SAE1: variants seen among roughly 807,000 people sequenced by gnomAD.
SAE1 encodes SUMO1 activating enzyme subunit 1, also known as SUMO-activating enzyme subunit 1.
In SAE1, 11 loss-of-function variants were observed where a neutral mutation model predicts 40.6. The ratio of observed to expected loss-of-function variants is 0.27; its 90% CI spans 0.17 to 0.45. The LOEUF is 0.45. Ranked by LOEUF, SAE1 falls within the 20% of genes least tolerant of loss-of-function variation. The probability of loss-of-function intolerance (pLI) is 1.00; values close to 1 mark genes in which losing one functional copy is unlikely to be tolerated. For synonymous variants in SAE1, 155 were observed against 154.3 expected, an observed-to-expected ratio of 1.00 and a Z score of -0.03; for missense variants, 373 against 427.3, an observed-to-expected ratio of 0.87 and a Z score of 1.12.
intron 4 of SAE1, 73 bp from the exon 5 acceptor site, chr19:47,155,041 G>A: frequency 1.1e-6 from 1 of 942,804 alleles, no homozygotes; most frequent in Non-Finnish European, 1.7e-6. Context: ...CTGTGACCTG[G>A]AGAGGCTTTT....
intron 5 of SAE1, among the ~76,000 whole-genome samples, chr19:47,160,291 G>A (rs1283499557): frequency 5.2e-5 from 7 of 134,550 alleles, no homozygotes; most frequent in African/African-American, 1.7e-4. Flanking sequence ...GTGCGATCTC[G>A]GCTCACTGCA....
Position 47,131,027 on chromosome 19 carries a change from C to G in SAE1, c.97C>G (p.Arg33Gly). The G allele has an allele frequency of 6.5e-7, 1 of 1,535,420 alleles. No individual in the cohort carries two copies. The highest frequency in any genetic ancestry group is 8.8e-7 in the Non-Finnish European group (1 of 1,140,136). Residue 33 changes from arginine to glycine, a missense_variant and splice_region_variant, in exon 1 of 9, where the codon CGG (arginine) becomes GGG (glycine). Coordinates refer to ENST00000270225, the MANE Select transcript of SAE1 (RefSeq NM_005500.3). The stretch of plus-strand genomic sequence containing the variant: ...CCTGTGGGGACTGGAGGCCCAGAAA[C>G]GGTCAGGGCCGGCGCGGCTTGAGGC... ...IRLWGLEAQKRLRASRVLLVG... is the reference protein window; with the variant it reads ...IRLWGLEAQKGLRASRVLLVG...
chr19:47,150,574 G>A (rs1167965474), intron 3 of SAE1, among the ~76,000 whole-genome samples, 199 bp downstream of exon 3: 1 of 152,192 alleles, frequency 6.6e-6, no homozygotes, highest in Admixed American at 6.6e-5. Flanking sequence ...CCAGTCTGTT[G>A]CATCTGCTGT....
At chr19:47,171,438 G>A (rs1305510307) in intron 6 of SAE1, among the ~76,000 whole-genome samples, 2 of 151,326 alleles carry the variant, frequency 1.3e-5, no homozygotes, top group East Asian at 1.9e-4. Context: ...AAATACAGGC[G>A]GGCACCACCA....
At chr19:47,170,641 G>C (rs1430125875) in intron 6 of SAE1, among the ~76,000 whole-genome samples, 2 of 151,800 alleles carry the variant, frequency 1.3e-5, no homozygotes, top group East Asian at 3.9e-4. Flanking sequence ...TGAGTAGCTG[G>C]TACTACAAGC....
chr19:47,182,634 G>A (rs1227473424), intron 6 of SAE1, among the ~76,000 whole-genome samples: 2 of 152,028 alleles, frequency 1.3e-5, no homozygotes, highest in African/African-American at 2.4e-5. Flanking sequence ...CCACAAATGC[G>A]GCTCAGTGCC....
chr19:47,181,863 G>A (rs140730571), intron 6 of SAE1, among the ~76,000 whole-genome samples: 35 of 146,250 alleles, frequency 2.4e-4, no homozygotes, highest in African/African-American at 7.4e-4. Flanking sequence ...TAGTGCAGTG[G>A]TATGATCACA....
intron 5 of SAE1, among the ~76,000 whole-genome samples, chr19:47,158,051 C>G (rs2058334630): frequency 7.1e-6 from 1 of 140,414 alleles, no homozygotes; most frequent in Non-Finnish European, 1.5e-5. Context: ...CCTAATTGTA[C>G]AGAATAACTA....
chr19:47,195,511 TTTTC>T (rs1252147834), intron 6 of SAE1, among the ~76,000 whole-genome samples: 4 of 152,080 alleles, frequency 2.6e-5, no homozygotes, highest in South Asian at 4.1e-4. Flanking sequence ...ATTGAGATAG[TTTTC>T]ATAGTAAAGG....
At chr19:47,173,548 A>C (rs558135863) in intron 6 of SAE1, among the ~76,000 whole-genome samples, 1 of 152,256 alleles carries the variant, frequency 6.6e-6, no homozygotes, top group African/African-American at 2.4e-5. Flanking sequence ...GGATTTCCTC[A>C]CTTCAGCACA....
At chr19:47,154,479 G>GTTTTT (rs1568590968) in intron 4 of SAE1, among the ~76,000 whole-genome samples, 2 of 91,704 alleles carry the variant, frequency 2.2e-5, no homozygotes, top group African/African-American at 7.8e-5. Flanking sequence ...ATTAAGTTTG[G>GTTTTT]CTTTTTTTTT....
intron 6 of SAE1, among the ~76,000 whole-genome samples, chr19:47,174,007 A>G (rs1265887356): frequency 6.6e-6 from 1 of 151,930 alleles, no homozygotes; most frequent in Non-Finnish European, 1.5e-5. Context: ...GATGGTCTCG[A>G]ACTCCTGACC....
Position 47,130,914 on chromosome 19 carries a change from CA to C in SAE1, c.-16del. On this transcript the variant is annotated 5_prime_UTR_variant, in exon 1 of 9. Transcript: ENST00000270225. ...GGCTTGAGCGGGACCGGAGCTGAGG[CA>C]GGAAGAGCCGGCGCCATGGTGGAGA... The C allele has an allele frequency of 6.5e-7, 1 of 1,549,050 alleles. No individual in the cohort carries two copies. The highest frequency in any genetic ancestry group is 8.7e-7 in the Non-Finnish European group (1 of 1,146,476).
intron 1 of SAE1, among the ~76,000 whole-genome samples, chr19:47,141,367 C>T (rs921118059): frequency 6.6e-6 from 1 of 152,010 alleles, no homozygotes; most frequent in Non-Finnish European, 1.5e-5. Flanking sequence ...GTCTCGAACT[C>T]CTGACCTCAG....
intron 6 of SAE1, among the ~76,000 whole-genome samples, chr19:47,188,814 G>C (rs527784690): frequency 1.3e-5 from 2 of 152,270 alleles, no homozygotes; most frequent in African/African-American, 2.4e-5. Flanking sequence ...CCAGGGACAG[G>C]CTTTGCAGAG....
intron 6 of SAE1, among the ~76,000 whole-genome samples, chr19:47,174,620 T>C (rs1460634034): frequency 7.1e-6 from 1 of 140,312 alleles, no homozygotes; most frequent in African/African-American, 2.7e-5. Context: ...TCTCCCAGCC[T>C]GGAGTGCAGT....
chr19:47,169,537 G>T (rs1294008797), intron 5 of SAE1, among the ~76,000 whole-genome samples: 1 of 152,124 alleles, frequency 6.6e-6, no homozygotes, highest in South Asian at 2.1e-4. Context: ...GACCCACCGC[G>T]CCTGGCCCAG....
intron 2 of SAE1, among the ~76,000 whole-genome samples, chr19:47,146,183 A>G (rs2058254766): frequency 6.6e-6 from 1 of 152,056 alleles, no homozygotes; most frequent in South Asian, 2.1e-4. Flanking sequence ...GTGGGTAGGG[A>G]CAGGTTGCTG....
intron 6 of SAE1, among the ~76,000 whole-genome samples, chr19:47,194,783 T>C (rs533812860): frequency 1.4e-5 from 2 of 144,610 alleles, no homozygotes; most frequent in South Asian, 2.2e-4. Context: ...GGAGTTACGC[T>C]CTATCGCACA....
Sources: gnomAD v4.1 joint callset for allele counts (sites outside exome capture counted in the v4.1 genomes callset) on GRCh38, gnomAD v4.1.1 for gene constraint, MANE v1.5 for transcripts, NCBI Gene and HGNC (gene_info 2026-07-23, HGNC 2026-07-21) for gene names.